Variants in SZT2 observed in about 807,000 individuals in gnomAD.
SZT2 encodes SZT2 subunit of KICSTOR complex, also known as KICSTOR complex protein SZT2.
SZT2 carries 216 observed loss-of-function variants against 404.2 expected under a neutral mutation model. The observed-to-expected ratio is 0.53, with a 90% CI of 0.48 to 0.60. The LOEUF (loss-of-function observed/expected upper bound fraction) is 0.60. SZT2 is among the 20% of genes least tolerant of loss of function. The pLI, the probability that SZT2 is intolerant of heterozygous loss-of-function variation, is 0.00. For missense variants in SZT2, 3,857 were observed against 4,459.2 expected, an observed-to-expected ratio of 0.86 and a Z score of 3.85; for synonymous variants, 1,693 against 1,749.9, an observed-to-expected ratio of 0.97 and a Z score of 0.81.
chr1:43,427,142 G>C lies in SZT2; in HGVS notation c.3396G>C (p.Gln1132His). The C allele has an allele frequency of 3.7e-6, 6 of 1,614,128 alleles. No individual in the cohort carries two copies. The highest frequency in any genetic ancestry group is 5.1e-6 in the Non-Finnish European group (6 of 1,180,026). ...WRCYARLVNP[Q>H]HVFLTFLPAT... Reference sequence around the variant, plus strand: ...GCTATGCAAGGCTTGTGAACCCCCAGCATGTGTTTCTGACTTTTCTCCCAG... The same window carrying C: ...GCTATGCAAGGCTTGTGAACCCCCACCATGTGTTTCTGACTTTTCTCCCAG... Residue 1132 changes from glutamine (Q) to histidine (H), a missense_variant, in exon 24 of 72, where the codon CAG becomes CAC. Physicochemically the swap from Gln to His is conservative, Grantham distance 24. Around this residue, in one of 7 missense-constraint regions of SZT2, gnomAD observed 1,725 missense variants for 1,881.0 expected, o/e 0.92. Transcript: ENST00000634258.
chr1:43,401,320 A>G (rs1457081862), intron 1 of SZT2, among the ~76,000 whole-genome samples: 1 of 152,206 alleles, frequency 6.6e-6, no homozygotes, highest in Non-Finnish European at 1.5e-5. Context: ...GATTGGTATT[A>G]GAATTCTCTA....
intron 1 of SZT2, among the ~76,000 whole-genome samples, chr1:43,399,372 CT>C (rs1159757322): frequency 6.6e-6 from 1 of 151,862 alleles, no homozygotes; most frequent in East Asian, 1.9e-4. Context: ...AGAATGGCTA[CT>C]TTGAGTAGCT....
At chr1:43,431,561 T>C (rs145009710) in intron 35 of SZT2, 38 bp downstream of exon 35, 146 of 1,612,330 alleles carry the variant, frequency 9.1e-5, no homozygotes, top group Admixed American at 2.5e-4. Flanking sequence ...CTGATTCCCT[T>C]TCCATCGTAT....
intron 1 of SZT2, among the ~76,000 whole-genome samples, chr1:43,400,279 C>A (rs556890169): frequency 2.0e-5 from 3 of 152,122 alleles, no homozygotes; most frequent in Non-Finnish European, 4.4e-5. Context: ...GAATATAATA[C>A]GCAAGTGCAA....
Position 43,441,882 on chromosome 1 carries a change from G to A in SZT2, c.7742+64G>A. Reference sequence around the variant, plus strand: ...AGACTTCCTAAAAGCTGGGCCTACAGGAAGCCAAACCTGAGGAAGCTGAGC... The same window carrying A: ...AGACTTCCTAAAAGCTGGGCCTACAAGAAGCCAAACCTGAGGAAGCTGAGC... On this transcript the variant is annotated intron_variant, in intron 55 of 71. Transcript: ENST00000634258. The surrounding 1 kb of genome is among the most constrained non-coding windows in gnomAD (Gnocchi z 4.8). 6.2e-7 allele frequency: 1 copy of A among 1,602,040 alleles called. No homozygotes were observed. Among genetic ancestry groups the A allele is most frequent in the Non-Finnish European group, 8.5e-7 (1 of 1,170,962 alleles).
Position 43,427,554 on chromosome 1 carries a change from T to A in SZT2, c.3623T>A (p.Leu1208Gln), listed in dbSNP as rs1230150040. ...GACAATGCCCAGAATCAAGGAGAGC[T>A]AAGTCCACCATTCCGTCGAGACTTA... is the stretch of plus-strand genomic sequence containing the variant. ...ASDNAQNQGELSPPFRRDLQA... is the reference protein window; with the variant it reads ...ASDNAQNQGEQSPPFRRDLQA... The change falls in exon 26 of 72, where the codon CTA becomes CAA. Residue 1208 changes from leucine (L) to glutamine (Q), a missense_variant. By Grantham distance (113) the Leu-to-Gln change is moderately radical. Coordinates refer to ENST00000634258, the MANE Select transcript of SZT2 (RefSeq NM_001365999.1). 1.9e-6 allele frequency: 3 copies of A among 1,614,098 alleles called. No homozygotes were observed. The highest frequency in any genetic ancestry group is 2.5e-6 in the Non-Finnish European group (3 of 1,180,040).
rs1652289112 is a variant in SZT2, at chr1:43,420,991, A to C, written c.1496+8A>C. On this transcript the variant is annotated splice_region_variant and intron_variant, in intron 10 of 71. Coordinates refer to ENST00000634258, the MANE Select transcript of SZT2 (RefSeq NM_001365999.1). The surrounding 1 kb of genome is among the most constrained non-coding windows in gnomAD (Gnocchi z 5.1). The stretch of plus-strand genomic sequence containing the variant: ...CTGGAACACGCTGCAGAGGTCAGTG[A>C]AGTCATCACTCAATGAGTGCTGCCC... 6.3e-7 allele frequency: 1 copy of C among 1,598,100 alleles called. No individual in the cohort carries two copies. Among genetic ancestry groups the C allele is most frequent in the Non-Finnish European group, 8.5e-7 (1 of 1,179,614 alleles).
intron 36 of SZT2, 26 bp downstream of exon 36, chr1:43,431,927 G>A: frequency 1.2e-6 from 2 of 1,612,782 alleles, no homozygotes; most frequent in Non-Finnish European, 8.5e-7. Context: ...AACACTGCAG[G>A]GTCACCTTGG....
Position 43,453,359 on chromosome 1 carries a change from G to A in SZT2, c.*2879G>A, listed in dbSNP as rs764485556. 1.9e-5 allele frequency: 27 copies of A among 1,451,684 alleles called. No homozygotes were observed. Among genetic ancestry groups the A allele is most frequent in the Non-Finnish European group, 2.5e-5 (26 of 1,061,054 alleles). 89.9% of individuals were successfully genotyped at this position (1,451,684 alleles called of 1,614,324 possible). A position where few individuals can be genotyped will look rare whatever the true frequency, so the allele number is the denominator to read the frequency against. ...CCTGCATCAGGGTCATGGGTCACAGGGGTGGGGGTGGGGTGGAGCGGGGTA... is the reference window on the plus strand; with the variant it reads ...CCTGCATCAGGGTCATGGGTCACAGAGGTGGGGGTGGGGTGGAGCGGGGTA... On this transcript the variant is annotated 3_prime_UTR_variant, in exon 72 of 72. Transcript: ENST00000634258.
Position 43,424,928 on chromosome 1 carries a change from T to C in SZT2, c.2550+66T>C. ...TCATAATCCCAGGGACACTCACCTCTGAGCTGGGTTGGGACTGCTGGAAAC... is the reference window on the plus strand; with the variant it reads ...TCATAATCCCAGGGACACTCACCTCCGAGCTGGGTTGGGACTGCTGGAAAC... On this transcript the variant is annotated intron_variant, in intron 17 of 71. Coordinates refer to ENST00000634258, the MANE Select transcript of SZT2 (RefSeq NM_001365999.1). The surrounding 1 kb of genome is among the most constrained non-coding windows in gnomAD (Gnocchi z 4.1). 6.4e-7 allele frequency: 1 copy of C among 1,562,526 alleles called. No homozygotes were observed. The highest frequency in any genetic ancestry group is 8.8e-7 in the Non-Finnish European group (1 of 1,134,432).
At chr1:43,430,821 A>G (rs1218421166) in intron 32 of SZT2, 32 bp downstream of exon 32, 1 of 1,594,678 alleles carries the variant, frequency 6.3e-7, no homozygotes, top group Admixed American at 1.7e-5. Context: ...GGAAAGCCAA[A>G]GGTCCTGGAA....
Position 43,422,591 on chromosome 1 carries a change from C to T in SZT2, c.1881C>T (p.Phe627=), listed in dbSNP as rs749921213. ...LTSLLRDWSS[F]VLVEGYSYVK... ...CTCTGCTGCGGGACTGGAGCAGCTT[C>T]GTACTAGTCGAGGGCTATTCTTATG... Residue 627 remains phenylalanine (F), a synonymous_variant, in exon 13 of 72, where the codon TTC becomes TTT. Transcript: ENST00000634258. 258 of 1,597,808 alleles carry T rather than the reference C, an allele frequency of 1.6e-4. No individual in the cohort carries two copies. The highest frequency in any genetic ancestry group is 2.1e-4 in the Non-Finnish European group (251 of 1,179,638).
chr1:43,439,007 G>GC lies in SZT2; in HGVS notation c.6709dup (p.Leu2237ProfsTer21), dbSNP rs1654764207. 1 of 1,614,062 alleles carries GC rather than the reference G, an allele frequency of 6.2e-7. No individual in the cohort carries two copies. The highest frequency in any genetic ancestry group is 1.3e-5 in the African/African-American group (1 of 74,918). ...CACCTCCTGCAGGCCCTGGCTTCCAGCCCTGGCATGGTACCTACGGCAGAA... is the reference window on the plus strand; with the variant it reads ...CACCTCCTGCAGGCCCTGGCTTCCAGCCCCTGGCATGGTACCTACGGCAGAA... On this transcript the variant is annotated frameshift_variant, in exon 48 of 72. Coordinates refer to ENST00000634258, the MANE Select transcript of SZT2 (RefSeq NM_001365999.1). LOFTEE classifies it high-confidence loss of function. This position sits in a 1 kb window ranked among gnomAD's most constrained non-coding sequence, Gnocchi z 4.2.
At position 43,443,633 on chromosome 1, in the gene SZT2, G is replaced by C. The variant is rs532734329; in HGVS notation, c.8662G>C (p.Glu2888Gln). 6.2e-7 allele frequency: 1 copy of C among 1,614,216 alleles called. No homozygotes were observed. Among genetic ancestry groups the C allele is most frequent in the Admixed American group, 1.7e-5 (1 of 60,024 alleles). The change falls in exon 62 of 72, where the codon GAG becomes CAG. Residue 2888 changes from glutamate to glutamine, a missense_variant. Transcript: ENST00000634258. The part of the protein sequence containing the change: ...HRPESGSGSR[E>Q]APTSCESLDV... ...CCCTGAGTCAGGGTCTGGGAGCCGA[G>C]AGGCCCCCACAAGCTGTGAATCCTT...
chr1:43,420,904 GTGTCC>G lies in SZT2; in HGVS notation c.1421_1425del (p.Ser474CysfsTer43). The G allele has an allele frequency of 1.3e-6, 2 of 1,598,480 alleles. No homozygotes were observed. Among genetic ancestry groups the G allele is most frequent in the Non-Finnish European group, 8.5e-7 (1 of 1,179,808 alleles). On this transcript the variant is annotated frameshift_variant, in exon 10 of 72. Transcript: ENST00000634258. LOFTEE classifies it high-confidence loss of function. The surrounding 1 kb of genome is among the most constrained non-coding windows in gnomAD (Gnocchi z 5.1). ...AGGCGGCTACGACATTTTGCATGAT[GTGTCC>G]TGTGCACTAAGGCAGCCCATTCGTT...
chr1:43,453,310 A>G lies in SZT2; in HGVS notation c.*2830A>G. The G allele has an allele frequency of 1.1e-6, 1 of 916,410 alleles. No homozygotes were observed. Among genetic ancestry groups the G allele is most frequent in the Admixed American group, 2.7e-5 (1 of 36,704 alleles). 56.8% of individuals were successfully genotyped at this position (916,410 alleles called of 1,614,324 possible). A position where few individuals can be genotyped will look rare whatever the true frequency, so the allele number is the denominator to read the frequency against. On this transcript the variant is annotated 3_prime_UTR_variant, in exon 72 of 72. Coordinates refer to ENST00000634258, the MANE Select transcript of SZT2 (RefSeq NM_001365999.1). ...GGGCTCAGACTTCTGAGCGTCTCAG[A>G]TCTGGCGTCCTCGACTCCCTGAACC...
At chr1:43,415,768 C>T (rs1651645776) in intron 5 of SZT2, among the ~76,000 whole-genome samples, 192 bp from the exon 6 acceptor site, 1 of 152,234 alleles carries the variant, frequency 6.6e-6, no homozygotes, top group African/African-American at 2.4e-5. Context: ...CCCTTCACCT[C>T]TGAGGTTCAG....
In SZT2 at chr1:43,428,409, C is replaced by A; in HGVS notation, c.4089C>A (p.Leu1363=). 1 of 1,614,196 alleles carries A rather than the reference C, an allele frequency of 6.2e-7. No homozygotes were observed. Among genetic ancestry groups the A allele is most frequent in the African/African-American group, 1.3e-5 (1 of 75,040 alleles). Residue 1363 remains leucine (L), a synonymous_variant, in exon 28 of 72, where the codon CTC becomes CTA. Transcript: ENST00000634258. The part of the protein sequence containing the change: ...LPHAPPSPGP[L]SPGPFSSSME... ...ATGCACCCCCAAGTCCTGGTCCTCTCAGCCCTGGGCCCTTCAGCAGCAGCA... is the reference window on the plus strand; with the variant it reads ...ATGCACCCCCAAGTCCTGGTCCTCTAAGCCCTGGGCCCTTCAGCAGCAGCA...
chr1:43,443,256 A>G lies in SZT2; in HGVS notation c.8488A>G (p.Met2830Val), dbSNP rs765172869. Residue 2830 changes from methionine (M) to valine (V), a missense_variant, in exon 60 of 72, where the codon ATG becomes GTG. By Grantham distance (21) the Met-to-Val change is conservative (BLOSUM62 1). Transcript: ENST00000634258. ...GCAGCAGCGTTCTACCCCAGCCACC[A>G]TGCCCATCAGTGTGAGTGACCCCAG... ...TWQQRSTPATMPISAGELETL... is the reference protein window; with the variant it reads ...TWQQRSTPATVPISAGELETL... 2 of 1,614,034 alleles carry G rather than the reference A, an allele frequency of 1.2e-6. No individual in the cohort carries two copies. Among genetic ancestry groups the G allele is most frequent in the East Asian group, 2.2e-5 (1 of 44,888 alleles).
Sources: allele counts gnomAD v4.1 joint callset (sites outside exome capture counted in the v4.1 genomes callset), GRCh38; gene constraint gnomAD v4.1.1; regional missense constraint gnomAD v4.1.1; non-coding constraint Gnocchi (gnomAD v3.1); transcripts MANE v1.5; gene names NCBI Gene and HGNC (gene_info 2026-07-23, HGNC 2026-07-21).